SP140: variants seen among roughly 807,000 people sequenced by gnomAD.
SP140 encodes the protein SP140 nuclear body protein, also known as nuclear body protein SP140.
Under a neutral mutation model 125.0 loss-of-function variants are expected in SP140, and 81 were observed. The ratio of observed to expected loss-of-function variants is 0.65; its 90% confidence interval spans 0.54 to 0.78. The LOEUF is 0.78. SP140 is among the 30% of genes least tolerant of loss of function. The probability of loss-of-function intolerance (pLI) is 0.00; values close to 1 mark genes in which losing one functional copy is unlikely to be tolerated. For synonymous variants in SP140, 312 were observed against 354.0 expected (o/e 0.88, Z 1.33); for missense variants, 858 against 1,037.0 (o/e 0.83, Z 2.37).
intron 1 of SP140, among the ~76,000 whole-genome samples, chr2:230,232,442 G>A (rs922907126): frequency 1.4e-4 from 21 of 152,174 alleles, no homozygotes; most frequent in African/African-American, 4.8e-4. Flanking sequence ...AAGAAAAGTT[G>A]TTAATTCATA....
the SP140 span, among the ~76,000 whole-genome samples, chr2:230,186,734 C>T: frequency 6.6e-6 from 1 of 152,154 alleles, no homozygotes; most frequent in African/African-American, 2.4e-5. Flanking sequence ...TTAGCTCCCA[C>T]CTATAAGTGA....
intron 1 of SP140, among the ~76,000 whole-genome samples, chr2:230,229,092 T>C (rs541127866): frequency 2.0e-5 from 3 of 152,240 alleles, no homozygotes; most frequent in Admixed American, 2.0e-4. Flanking sequence ...GTTTGTAATA[T>C]ATATTTACAG....
chr2:230,249,915 C>A (rs2050097120), intron 9 of SP140, among the ~76,000 whole-genome samples: 1 of 152,206 alleles, frequency 6.6e-6, no homozygotes, highest in African/African-American at 2.4e-5. Context: ...TAAGAGTACT[C>A]TTTCCCCAGT....
intron 1 of SP140, among the ~76,000 whole-genome samples, chr2:230,232,839 T>A (rs1324990650): frequency 6.6e-6 from 1 of 152,226 alleles, no homozygotes; most frequent in African/African-American, 2.4e-5. Flanking sequence ...AAGATGTTTT[T>A]TAACAGCCTT....
At chr2:230,197,277 A>G in the SP140 span, among the ~76,000 whole-genome samples, 3 of 148,926 alleles carry the variant, frequency 2.0e-5, no homozygotes, top group African/African-American at 4.9e-5. Context: ...TTTGATTTGC[A>G]TTTCTCTGAT....
intron 1 of SP140, among the ~76,000 whole-genome samples, chr2:230,210,890 G>T (rs553910543): frequency 1.3e-4 from 20 of 152,322 alleles, no homozygotes; most frequent in Non-Finnish European, 1.5e-5. Context: ...AAGTGATATA[G>T]AAATGACCAG....
At chr2:230,310,141 G>C in intron 23 of SP140, 102 bp downstream of exon 23, 1 of 1,140,260 alleles carries the variant, frequency 8.8e-7, no homozygotes, top group Non-Finnish European at 1.3e-6. Flanking sequence ...GATGGGGAAA[G>C]AGCAGGTTCA....
chr2:230,199,354 G>A (rs1244618422), upstream of SP140, among the ~76,000 whole-genome samples: 8 of 150,942 alleles, frequency 5.3e-5, no homozygotes, highest in African/African-American at 1.2e-4. Context: ...GATTACAGGC[G>A]CCCACCACCA....
chr2:230,235,268 A>T (rs2047804544), intron 1 of SP140, among the ~76,000 whole-genome samples: 1 of 152,152 alleles, frequency 6.6e-6, no homozygotes, highest in African/African-American at 2.4e-5. Flanking sequence ...GACACGCTGG[A>T]TCCTTTTCTG....
intron 22 of SP140, among the ~76,000 whole-genome samples, chr2:230,309,104 G>C (rs891471286): frequency 6.6e-6 from 1 of 152,170 alleles, no homozygotes; most frequent in South Asian, 2.1e-4. Context: ...GGCTAAAGGT[G>C]TCACATATTG....
At chr2:230,308,500 G>C (rs928364281) in intron 22 of SP140, among the ~76,000 whole-genome samples, 6 of 152,234 alleles carry the variant, frequency 3.9e-5, no homozygotes, top group African/African-American at 1.4e-4. Flanking sequence ...CTGGACAGAT[G>C]AGATTGACAG....
chr2:230,239,218 C>A (rs2048380675), intron 3 of SP140: 1 of 281,628 alleles, frequency 3.6e-6, no homozygotes, highest in Non-Finnish European at 6.2e-6. Flanking sequence ...ACTGTGCATG[C>A]CTCCTTTGGT....
chr2:230,302,301 G>A lies in SP140; in HGVS notation c.2058+4839G>A, dbSNP rs919307151. On this transcript the variant is annotated intron_variant, in intron 22 of 26. Coordinates refer to ENST00000392045, the MANE Select transcript of SP140 (RefSeq NM_007237.5). ...CCCAGCTACTCAGGAAGCTGAGGCA[G>A]GAGAATGGCATGAACCCAGGAGGCA... is the stretch of plus-strand genomic sequence containing the variant. Among the ~76,000 whole-genome samples, 8 of 152,140 alleles carry A rather than the reference G, an allele frequency of 5.3e-5. 1 individual carries two copies. Among genetic ancestry groups the A allele is most frequent in the Admixed American group, 4.6e-4 (7 of 15,286 alleles).
intron 1 of SP140, among the ~76,000 whole-genome samples, chr2:230,228,623 T>C (rs549150534): frequency 2.2e-4 from 33 of 152,330 alleles, no homozygotes; most frequent in Non-Finnish European, 2.2e-4. Flanking sequence ...GAATTGACCC[T>C]TTTATCATAA....
chr2:230,229,161 C>CAACT (rs767572220), intron 1 of SP140, among the ~76,000 whole-genome samples: 14 of 151,932 alleles, frequency 9.2e-5, no homozygotes, highest in Non-Finnish European at 1.5e-4. Flanking sequence ...ATACACCATG[C>CAACT]AACTGAATGT....
chr2:230,284,833 C>T (rs888880486), intron 16 of SP140, among the ~76,000 whole-genome samples: 1 of 151,976 alleles, frequency 6.6e-6, no homozygotes, highest in Non-Finnish European at 1.5e-5. Flanking sequence ...CTGATATACA[C>T]ATATGTAATT....
At chr2:230,299,655 AG>A (rs1267276709) in intron 22 of SP140, among the ~76,000 whole-genome samples, 5 of 152,072 alleles carry the variant, frequency 3.3e-5, no homozygotes, top group African/African-American at 7.3e-5. Context: ...GCAGGCAGGG[AG>A]GGGTGAGATC....
chr2:230,262,880 A>G (rs2052502996), intron 12 of SP140, among the ~76,000 whole-genome samples: 1 of 152,168 alleles, frequency 6.6e-6, no homozygotes, highest in Non-Finnish European at 1.5e-5. Flanking sequence ...GGCCTATCAT[A>G]TGGTCTATCT....
At chr2:230,230,155 T>C (rs996568832) in intron 1 of SP140, among the ~76,000 whole-genome samples, 7 of 152,234 alleles carry the variant, frequency 4.6e-5, no homozygotes, top group African/African-American at 1.7e-4. Context: ...TCCCCAAGAA[T>C]TCAGAGACTA....
Sources: gnomAD v4.1 joint callset for allele counts (sites outside exome capture counted in the v4.1 genomes callset) on GRCh38, gnomAD v4.1.1 for gene constraint, MANE v1.5 for transcripts, NCBI Gene and HGNC (gene_info 2026-07-23, HGNC 2026-07-21) for gene names.